Variants in LDB2 observed in about 807,000 individuals in gnomAD.
LDB2 encodes LIM domain binding 2, also known as LIM domain-binding protein 2.
Under a neutral mutation model 44.3 loss-of-function variants are expected in LDB2, and 12 were observed. That is an observed-to-expected ratio of 0.27 (90% CI 0.17 to 0.44). The LOEUF (loss-of-function observed/expected upper bound fraction) is 0.44, where lower values mean the gene tolerates loss of function less well. LDB2 is among the 20% of genes least tolerant of loss of function. The pLI is 1.00. For synonymous variants in LDB2, 164 were observed against 174.8 expected, an observed-to-expected ratio of 0.94 and a Z score of 0.49; for missense variants, 344 against 473.5, an observed-to-expected ratio of 0.73 and a Z score of 2.54.
chr4:16,508,567 C>T lies in LDB2; in HGVS notation c.859G>A (p.Ala287Thr). The change falls in exon 7 of 8, where the codon GCT becomes ACT. Residue 287 changes from alanine (A) to threonine (T), a missense_variant. This residue lies in a region of LDB2 where 86 missense variants were observed against 171.2 expected (regional missense o/e 0.50). Coordinates refer to ENST00000304523, the MANE Select transcript of LDB2 (RefSeq NM_001290.5). Reference sequence around the variant, plus strand: ...TGACTGGACAGACTCAGGTTTGCAGCTGTGGTCTTCTTCTTGCTGCCAGTG... The same window carrying T: ...TGACTGGACAGACTCAGGTTTGCAGTTGTGGTCTTCTTCTTGCTGCCAGTG... ...NSTGSKKKTT[A>T]ANLSLSSQVP... The T allele has an allele frequency of 6.2e-7, 1 of 1,607,834 alleles. No individual in the cohort carries two copies. Among genetic ancestry groups the T allele is most frequent in the Non-Finnish European group, 8.5e-7 (1 of 1,176,656 alleles).
Position 16,739,741 on chromosome 4 carries a change from TACATATAC to T in LDB2, c.235+19409_235+19416del, listed in dbSNP as rs1318376971. 6.3e-3 allele frequency among the ~76,000 whole-genome samples: 673 copies of T among 106,548 alleles called. 63 individuals carry two copies. Among genetic ancestry groups the T allele is most frequent in the African/African-American group, 0.028 (646 of 23,064 alleles). 69.9% of individuals were successfully genotyped at this position (106,548 alleles called of 152,430 possible). On this transcript the variant is annotated intron_variant, in intron 2 of 7. Transcript: ENST00000304523. The stretch of plus-strand genomic sequence containing the variant: ...ATATATACATATATGTGTATATACA[TACATATAC>T]ATATATATATAACTATTCTTAATGA...
intron 1 of LDB2, among the ~76,000 whole-genome samples, chr4:16,820,055 A>G (rs1270167188): frequency 6.6e-6 from 1 of 152,222 alleles, no homozygotes; most frequent in Non-Finnish European, 1.5e-5. Flanking sequence ...ATGCTGCAAA[A>G]TATTAATTTC....
chr4:16,617,436 T>C (rs1461183413), intron 2 of LDB2, among the ~76,000 whole-genome samples: 4 of 152,204 alleles, frequency 2.6e-5, no homozygotes, highest in South Asian at 2.1e-4. Context: ...CTGACCTTAA[T>C]TGACCACAGT....
At chr4:16,748,393 T>G (rs1275064193) in intron 2 of LDB2, among the ~76,000 whole-genome samples, 1 of 152,208 alleles carries the variant, frequency 6.6e-6, no homozygotes, top group Non-Finnish European at 1.5e-5. Context: ...AGGCACCCAG[T>G]TCTGTAAGCT....
At chr4:16,864,185 A>AT (rs143588846) in intron 1 of LDB2, among the ~76,000 whole-genome samples, 3,914 of 152,056 alleles carry the variant, frequency 0.026, 141 homozygotes, top group African/African-American at 0.083. Flanking sequence ...GATTCAACAG[A>AT]TTTTTTTTCA....
intron 1 of LDB2, among the ~76,000 whole-genome samples, chr4:16,884,864 A>G (rs1721179139): frequency 6.6e-6 from 1 of 152,196 alleles, no homozygotes; most frequent in African/African-American, 2.4e-5. Context: ...GTTATTCCCT[A>G]CATTACCCAT....
In LDB2 at chr4:16,782,352, C is replaced by CT. The variant is rs113490072; in HGVS notation, c.133-23093dup. Among the ~76,000 whole-genome samples, 706 of 143,394 alleles carry CT rather than the reference C, an allele frequency of 4.9e-3. 4 individuals carry two copies. Among genetic ancestry groups the CT allele is most frequent in the East Asian group, 0.016 (77 of 4,930 alleles). The allele number at this position is 143,394 out of a possible 152,430, so 94.1% of individuals were successfully genotyped here. A position where few individuals can be genotyped will look rare whatever the true frequency, so the allele number is the denominator to read the frequency against. ...AAAGAAGGAATGAATAAAATAAATA[C>CT]TTTTTTTTTTTTTTTTGAGACGGAG... is the stretch of plus-strand genomic sequence containing the variant. On this transcript the variant is annotated intron_variant, in intron 1 of 7. Coordinates refer to ENST00000304523, the MANE Select transcript of LDB2 (RefSeq NM_001290.5).
chr4:16,618,190 C>T (rs777078168), intron 2 of LDB2, among the ~76,000 whole-genome samples: 1 of 152,116 alleles, frequency 6.6e-6, no homozygotes, highest in Admixed American at 6.5e-5. Context: ...GTTAAGATAA[C>T]GATTCCCAGG....
At chr4:16,838,268 G>C (rs960778705) in intron 1 of LDB2, among the ~76,000 whole-genome samples, 25 of 152,136 alleles carry the variant, frequency 1.6e-4, no homozygotes, top group African/African-American at 5.3e-4. Flanking sequence ...CTAATTAGGA[G>C]AAATTAAAAA....
At chr4:16,678,551 T>C (rs961006509) in intron 2 of LDB2, among the ~76,000 whole-genome samples, 1 of 152,126 alleles carries the variant, frequency 6.6e-6, no homozygotes, top group Non-Finnish European at 1.5e-5. Flanking sequence ...CTAGTAACAC[T>C]CTGGGCTACT....
At chr4:16,878,764 T>C (rs1425605660) in intron 1 of LDB2, among the ~76,000 whole-genome samples, 1 of 152,226 alleles carries the variant, frequency 6.6e-6, no homozygotes, top group African/African-American at 2.4e-5. Context: ...TGCTTACTAT[T>C]ATTCTTTTAA....
chr4:16,562,073 A>G (rs1044898370), intron 5 of LDB2, among the ~76,000 whole-genome samples: 2 of 152,236 alleles, frequency 1.3e-5, no homozygotes, highest in Non-Finnish European at 2.9e-5. Flanking sequence ...TTAATTCAAG[A>G]TGGATTAAAG....
intron 1 of LDB2, among the ~76,000 whole-genome samples, chr4:16,866,842 C>T (rs1714870484): frequency 6.6e-6 from 1 of 152,122 alleles, no homozygotes; most frequent in African/African-American, 2.4e-5. Context: ...CAGAGTATGG[C>T]AAATTGTATT....
chr4:16,732,640 A>G (rs1235530871), intron 2 of LDB2, among the ~76,000 whole-genome samples: 1 of 152,230 alleles, frequency 6.6e-6, no homozygotes, highest in African/African-American at 2.4e-5. Flanking sequence ...TATAGAACTC[A>G]AATTGGAAAA....
At chr4:16,728,012 T>C (rs1370137580) in intron 2 of LDB2, among the ~76,000 whole-genome samples, 1 of 152,152 alleles carries the variant, frequency 6.6e-6, no homozygotes, top group African/African-American at 2.4e-5. Flanking sequence ...CTCATCTTAC[T>C]ACAATTTGCT....
intron 1 of LDB2, among the ~76,000 whole-genome samples, chr4:16,887,861 TGAATTCTTCAATAG>T (rs756246777): frequency 4.6e-5 from 7 of 152,138 alleles, no homozygotes; most frequent in Non-Finnish European, 1.0e-4. Flanking sequence ...GAATTCCTAT[TGAATTCTTCAATAG>T]GAATTCTTCA....
At chr4:16,737,220 CTT>C (rs1762074889) in intron 2 of LDB2, among the ~76,000 whole-genome samples, 1 of 151,924 alleles carries the variant, frequency 6.6e-6, no homozygotes, top group South Asian at 2.1e-4. Flanking sequence ...TTTTTCTTCA[CTT>C]ATTTAATTTT....
intron 1 of LDB2, among the ~76,000 whole-genome samples, chr4:16,767,890 G>A (rs908515569): frequency 3.9e-5 from 6 of 152,168 alleles, no homozygotes; most frequent in African/African-American, 7.2e-5. Context: ...ACACAGTCAT[G>A]TCAAATAGCA....
chr4:16,725,903 T>A (rs918234873), intron 2 of LDB2, among the ~76,000 whole-genome samples: 14 of 148,070 alleles, frequency 9.5e-5, no homozygotes, highest in East Asian at 2.0e-4. Flanking sequence ...ATATATATAT[T>A]ATGTATATAT....
Sources: allele counts gnomAD v4.1 joint callset (sites outside exome capture counted in the v4.1 genomes callset), GRCh38; gene constraint gnomAD v4.1.1; regional missense constraint gnomAD v4.1.1; transcripts MANE v1.5; gene names NCBI Gene and HGNC (gene_info 2026-07-23, HGNC 2026-07-21).